The following ENPEP variants were observed in gnomAD, a reference collection of about 807,000 sequenced individuals.
ENPEP encodes the protein AP-A.
Under a neutral mutation model 114.5 loss-of-function variants are expected in ENPEP, and 103 were observed. The observed-to-expected ratio is 0.90, with a 90% CI of 0.77 to 1.06. The LOEUF is 1.06. Ranked by LOEUF, ENPEP falls within the 50% of genes least tolerant of loss-of-function variation. The probability of loss-of-function intolerance (pLI) is 0.00; values close to 1 mark genes in which losing one functional copy is unlikely to be tolerated. For missense variants in ENPEP, 1,196 were observed against 1,161.3 expected, an observed-to-expected ratio of 1.03 and a Z score of -0.43; for synonymous variants, 420 against 422.0, an observed-to-expected ratio of 1.00 and a Z score of 0.06.
Position 110,509,820 on chromosome 4 carries a change from A to G in ENPEP, c.1194+13A>G, listed in dbSNP as rs372274660. The G allele has an allele frequency of 1.1e-5, 17 of 1,606,704 alleles. No homozygotes were observed. In the African/African-American group the frequency reaches 2.3e-4, roughly 22 times the overall value. On this transcript the variant is annotated intron_variant, in intron 5 of 19. Coordinates refer to ENST00000265162, the MANE Select transcript of ENPEP (RefSeq NM_001977.4). ...ACTTGTGCATCAGGTACAGAATCTT[A>G]GCACTGAATCAGCTTGTTTTTTTAA...
intron 18 of ENPEP, among the ~76,000 whole-genome samples, chr4:110,556,069 C>G (rs887347819): frequency 6.6e-6 from 1 of 151,848 alleles, no homozygotes; most frequent in Non-Finnish European, 1.5e-5. Flanking sequence ...ATAAATATTA[C>G]AGAAATTATA....
At position 110,537,186 on chromosome 4, in the gene ENPEP, G is replaced by A. The variant is rs1291001250; in HGVS notation, c.1808-5565G>A. Among the ~76,000 whole-genome samples, 3 of 152,140 alleles carry A rather than the reference G, an allele frequency of 2.0e-5. No individual in the cohort carries two copies. The East Asian group carries it at 5.8e-4, about 29-fold the overall frequency. ...TGGCTGTGGCAATTTCTTAAAATAA[G>A]ACAACACTGAAGTTTGGTGCATTAA... On this transcript the variant is annotated intron_variant, in intron 11 of 19. Coordinates refer to ENST00000265162, the MANE Select transcript of ENPEP (RefSeq NM_001977.4).
intron 3 of ENPEP, among the ~76,000 whole-genome samples, chr4:110,494,579 A>G (rs985974904): frequency 1.3e-5 from 2 of 152,172 alleles, no homozygotes; most frequent in Admixed American, 1.3e-4. Flanking sequence ...GTTCCTTTAT[A>G]TCAATAAACA....
intron 2 of ENPEP, among the ~76,000 whole-genome samples, chr4:110,489,005 T>A (rs1295087168): frequency 1.3e-5 from 2 of 152,158 alleles, no homozygotes; most frequent in Non-Finnish European, 2.9e-5. Context: ...CTAATGGAAT[T>A]ACAGACTTGA....
chr4:110,509,977 C>T (rs1216583247), intron 5 of ENPEP, among the ~76,000 whole-genome samples, 170 bp downstream of exon 5: 1 of 152,194 alleles, frequency 6.6e-6, no homozygotes, highest in Non-Finnish European at 1.5e-5. Context: ...GACTTTGAAC[C>T]ACATTGTTTT....
In ENPEP at chr4:110,562,466, C is replaced by T. The variant is rs973054188; in HGVS notation, c.*908C>T. ...GAAACTGTTCAGGAAAGAGAGAAGG[C>T]AGATTATTTCTTAAAACTAAATGGA... is the stretch of plus-strand genomic sequence containing the variant. On this transcript the variant is annotated 3_prime_UTR_variant, in exon 20 of 20. Transcript: ENST00000265162. The T allele has an allele frequency of 2.0e-5, 3 of 152,060 alleles. No individual in the cohort carries two copies. The highest frequency in any genetic ancestry group is 2.0e-4 in the Admixed American group (3 of 15,236). 9.4% of individuals were successfully genotyped at this position (152,060 alleles called of 1,614,324 possible).
intron 19 of ENPEP, among the ~76,000 whole-genome samples, chr4:110,560,477 T>C (rs1057333744): frequency 9.9e-5 from 15 of 152,208 alleles, no homozygotes; most frequent in African/African-American, 3.4e-4. Context: ...ACACAGTGAA[T>C]TGAGAAATAA....
intron 10 of ENPEP, 39 bp from the exon 11 acceptor site, chr4:110,531,159 G>T (rs1726391215): frequency 2.5e-6 from 3 of 1,215,878 alleles, no homozygotes; most frequent in Non-Finnish European, 1.1e-6. Context: ...TTATCTTTTA[G>T]TAATAAAAGT....
chr4:110,532,595 A>G (rs1375298), intron 11 of ENPEP, among the ~76,000 whole-genome samples: 74,921 of 151,736 alleles, frequency 0.49, 19,124 homozygotes, highest in Middle Eastern at 0.64. Flanking sequence ...TGGATCCAGC[A>G]TGTTTTTTCC....
At chr4:110,498,106 A>G (rs1725008433) in intron 3 of ENPEP, among the ~76,000 whole-genome samples, 1 of 152,186 alleles carries the variant, frequency 6.6e-6, no homozygotes, top group Non-Finnish European at 1.5e-5. Context: ...TTTATTGAGC[A>G]TCTACTATGT....
chr4:110,561,498 G>T lies in ENPEP; in HGVS notation c.2814G>T (p.Trp938Cys). 3 of 1,613,740 alleles carry T rather than the reference G, an allele frequency of 1.9e-6. No homozygotes were observed. In the East Asian group the frequency reaches 6.7e-5, roughly 36 times the overall value. The change falls in exon 20 of 20, where the codon TGG becomes TGT. Residue 938 changes from tryptophan to cysteine, a missense_variant. By Grantham distance (215) the Trp-to-Cys change is radical (BLOSUM62 -2). Transcript: ENST00000265162. Reference sequence around the variant, plus strand: ...AAACAGTGAAAAACAATATAGAGTGGCTAAAACAACATAGAAACACCATCA... The same window carrying T: ...AAACAGTGAAAAACAATATAGAGTGTCTAAAACAACATAGAAACACCATCA... ...VLETVKNNIE[W>C]LKQHRNTIRE...
In ENPEP at chr4:110,549,564, G is replaced by A. The variant is rs1291728164; in HGVS notation, c.2262G>A (p.Lys754=). The change falls in exon 16 of 20, where the codon AAG becomes AAA. Residue 754 remains lysine, a synonymous_variant. Coordinates refer to ENST00000265162, the MANE Select transcript of ENPEP (RefSeq NM_001977.4). ...LRSSVLGFAC[K]MGDREALNNA... is the part of the protein sequence containing the mutation. The stretch of plus-strand genomic sequence containing the variant: ...CCTCCGTGTTAGGGTTTGCGTGCAA[G>A]ATGGGAGACAGAGAAGCCTTGAACA... The A allele has an allele frequency of 1.2e-6, 2 of 1,613,550 alleles. No homozygotes were observed. Among genetic ancestry groups the A allele is most frequent in the East Asian group, 4.5e-5 (2 of 44,878 alleles).
At chr4:110,480,121 G>A (rs1724255373) in intron 1 of ENPEP, among the ~76,000 whole-genome samples, 1 of 152,220 alleles carries the variant, frequency 6.6e-6, no homozygotes, top group African/African-American at 2.4e-5. Context: ...TCTCACTGAG[G>A]ATTGGTGTTC....
At chr4:110,517,205 G>T (rs1725812767) in intron 8 of ENPEP, among the ~76,000 whole-genome samples, 1 of 152,100 alleles carries the variant, frequency 6.6e-6, no homozygotes, top group South Asian at 2.1e-4. Context: ...CTCCCAAAGT[G>T]CTGGGATTAC....
chr4:110,488,723 T>A (rs776908664), intron 2 of ENPEP, 41 bp downstream of exon 2: 1 of 1,581,310 alleles, frequency 6.3e-7, no homozygotes, highest in East Asian at 2.2e-5. Context: ...AGAGAGTCTG[T>A]TGACAACATT....
chr4:110,507,200 T>C (rs533839338), intron 4 of ENPEP, among the ~76,000 whole-genome samples: 1 of 152,310 alleles, frequency 6.6e-6, no homozygotes, highest in South Asian at 2.1e-4. Context: ...AGTCTTTCCA[T>C]TGTTGTACAA....
At chr4:110,489,486 A>G (rs1392244111) in intron 2 of ENPEP, among the ~76,000 whole-genome samples, 1 of 152,206 alleles carries the variant, frequency 6.6e-6, no homozygotes, top group Non-Finnish European at 1.5e-5. Flanking sequence ...GCAGCAAACC[A>G]CAGTGGCACG....
At chr4:110,521,434 G>A (rs185215918) in intron 10 of ENPEP, among the ~76,000 whole-genome samples, 10 of 151,686 alleles carry the variant, frequency 6.6e-5, no homozygotes, top group Admixed American at 2.0e-4. Context: ...ATATATGTAT[G>A]TATAAAATCC....
At chr4:110,494,659 C>T (rs1232724091) in intron 3 of ENPEP, among the ~76,000 whole-genome samples, 1 of 152,150 alleles carries the variant, frequency 6.6e-6, no homozygotes, top group East Asian at 1.9e-4. Flanking sequence ...TTGAGCCATT[C>T]ATTATGTTTA....
Sources: gnomAD v4.1 joint callset for allele counts (sites outside exome capture counted in the v4.1 genomes callset) on GRCh38, gnomAD v4.1.1 for gene constraint, MANE v1.5 for transcripts, NCBI Gene and HGNC (gene_info 2026-07-23, HGNC 2026-07-21) for gene names.